The following TCAIM variants were observed in gnomAD, a reference collection of about 807,000 sequenced individuals.
TCAIM encodes the protein T-cell activation inhibitor, mitochondrial.
In TCAIM, 36 loss-of-function variants were observed where a neutral mutation model predicts 58.6. The ratio of observed to expected loss-of-function variants is 0.61; its 90% CI spans 0.47 to 0.81. TCAIM has a LOEUF of 0.81. Among genes scored for constraint, TCAIM ranks in the 30% least tolerant of loss-of-function variants. TCAIM has a pLI of 0.00. For synonymous variants in TCAIM, 172 were observed against 193.6 expected (o/e 0.89, Z 0.93); for missense variants, 466 against 579.6 (o/e 0.80, Z 2.01).
chr3:44,358,393 G>T, intron 3 of TCAIM: 1 of 635,388 alleles, frequency 1.6e-6, no homozygotes. Flanking sequence ...AGAAAATACA[G>T]TCAGTCCTTC....
intron 5 of TCAIM, among the ~76,000 whole-genome samples, chr3:44,386,398 C>T (rs868209888): frequency 2.6e-5 from 4 of 152,162 alleles, no homozygotes; most frequent in South Asian, 2.1e-4. Context: ...GAGACGTGTC[C>T]GGGGCTGCGT....
At chr3:44,349,693 G>A (rs150504809) in intron 1 of TCAIM, among the ~76,000 whole-genome samples, 5,227 of 149,544 alleles carry the variant, frequency 0.035, 126 homozygotes, top group Non-Finnish European at 0.057. Context: ...CTGTCTTCCC[G>A]AGTCTGTGAC....
chr3:44,352,963 C>T (rs1559561490), intron 1 of TCAIM, among the ~76,000 whole-genome samples: 1 of 136,472 alleles, frequency 7.3e-6, no homozygotes, highest in Non-Finnish European at 1.5e-5. Flanking sequence ...CTCGTGTTGC[C>T]CATACTGGAG....
intron 4 of TCAIM, among the ~76,000 whole-genome samples, chr3:44,361,997 A>G (rs144725277): frequency 2.0e-3 from 308 of 152,356 alleles, no homozygotes; most frequent in African/African-American, 6.3e-3. Flanking sequence ...CTTAGCAGAC[A>G]GCCACCTTTT....
intron 8 of TCAIM, 145 bp from the exon 9 acceptor site, chr3:44,400,210 G>GT (rs1358919636): frequency 1.7e-5 from 11 of 643,420 alleles, no homozygotes; most frequent in Middle Eastern, 4.4e-4. Flanking sequence ...ATTACATTAA[G>GT]TTTTTTTATC....
intron 1 of TCAIM, among the ~76,000 whole-genome samples, chr3:44,350,852 CTT>C (rs1474687183): frequency 6.6e-6 from 1 of 152,170 alleles, no homozygotes; most frequent in East Asian, 1.9e-4. Flanking sequence ...TTTTTCTAGT[CTT>C]TTTTTCTTTG....
At chr3:44,339,308 A>C (rs1399479571) in intron 1 of TCAIM, among the ~76,000 whole-genome samples, 1 of 152,208 alleles carries the variant, frequency 6.6e-6, no homozygotes, top group Non-Finnish European at 1.5e-5. Context: ...AAGGGAAGTC[A>C]CAGTTCAAAT....
At chr3:44,394,110 C>CT (rs111640278) in intron 6 of TCAIM, among the ~76,000 whole-genome samples, 9 of 151,934 alleles carry the variant, frequency 5.9e-5, no homozygotes, top group Non-Finnish European at 1.3e-4. Flanking sequence ...ATTATTAGGA[C>CT]TTTTTTTTCT....
rs184153586 is a variant in TCAIM at position 44,350,248 on chromosome 3, G to A, written c.-44-4491G>A. Among the ~76,000 whole-genome samples the A allele has an allele frequency of 5.3e-5, 8 of 152,172 alleles. No homozygotes were observed. The East Asian group carries it at 1.4e-3, about 26-fold the overall frequency. ...CGAGGGTCACAAGGTGCTCAGTGGG[G>A]GAGCTTCTGAGCCAGGAGAAGAAGT... On this transcript the variant is annotated intron_variant, in intron 1 of 10. Transcript: ENST00000342649.
intron 1 of TCAIM, among the ~76,000 whole-genome samples, chr3:44,344,006 T>G (rs913653230): frequency 6.7e-6 from 1 of 149,372 alleles, no homozygotes; most frequent in Non-Finnish European, 1.5e-5. Context: ...TTGCTTTGAT[T>G]ATTTTTGATG....
intron 5 of TCAIM, among the ~76,000 whole-genome samples, chr3:44,373,408 A>G (rs1308091501): frequency 6.6e-6 from 1 of 152,164 alleles, no homozygotes; most frequent in East Asian, 1.9e-4. Flanking sequence ...GGTCACGCCT[A>G]TAATCTCGGC....
intron 4 of TCAIM, 33 bp from the exon 5 acceptor site, chr3:44,367,423 G>A (rs370125570): frequency 8.8e-6 from 14 of 1,582,026 alleles, no homozygotes; most frequent in East Asian, 2.2e-5. Flanking sequence ...ATAATCATCT[G>A]TATTAATTGT....
chr3:44,394,942 A>G (rs1330943376), intron 6 of TCAIM, among the ~76,000 whole-genome samples: 2 of 119,292 alleles, frequency 1.7e-5, no homozygotes, highest in African/African-American at 6.9e-5. Flanking sequence ...ATATATATAT[A>G]TATATATATA....
chr3:44,383,809 CAAAAAAAAAA>C (rs71089100), intron 5 of TCAIM, among the ~76,000 whole-genome samples: 8 of 95,418 alleles, frequency 8.4e-5, no homozygotes, highest in East Asian at 3.1e-4. Flanking sequence ...CCTGTCTCTA[CAAAAAAAAAA>C]AAAAAAAAAA....
chr3:44,395,966 G>A (rs977837531), intron 6 of TCAIM, among the ~76,000 whole-genome samples: 2 of 152,224 alleles, frequency 1.3e-5, no homozygotes, highest in Non-Finnish European at 2.9e-5. Flanking sequence ...CCGCCTGGGC[G>A]ACAGAGTGAG....
chr3:44,406,493 A>AGGG (rs1553608464), intron 10 of TCAIM, among the ~76,000 whole-genome samples: 1 of 152,084 alleles, frequency 6.6e-6, no homozygotes, highest in South Asian at 2.1e-4. Context: ...ATTCTAAGTA[A>AGGG]GAATAATCTT....
intron 8 of TCAIM, among the ~76,000 whole-genome samples, chr3:44,398,510 G>A (rs985345188): frequency 3.3e-5 from 5 of 150,318 alleles, no homozygotes; most frequent in African/African-American, 1.2e-4. Flanking sequence ...AAACCATAGT[G>A]CATTATCACT....
Position 44,361,483 on chromosome 3 carries a change from G to T in TCAIM, c.284G>T (p.Ser95Ile). Residue 95 changes from serine to isoleucine, a missense_variant, in exon 4 of 11, where the codon AGT becomes ATT. Transcript: ENST00000342649. Reference sequence around the variant, plus strand: ...TTTTATGTAAGAGAAACAGACCAGAGTTCCTCCGATGGCCAGGAACCTTTT... The same window carrying T: ...TTTTATGTAAGAGAAACAGACCAGATTTCCTCCGATGGCCAGGAACCTTTT... ...LTFYVRETDQSSSDGQEPFST... is the reference protein window; with the variant it reads ...LTFYVRETDQISSDGQEPFST... 1 of 1,607,498 alleles carries T rather than the reference G, an allele frequency of 6.2e-7. No individual in the cohort carries two copies.
intron 8 of TCAIM, among the ~76,000 whole-genome samples, chr3:44,398,686 G>A (rs529493985): frequency 3.3e-5 from 5 of 152,118 alleles, no homozygotes; most frequent in African/African-American, 1.2e-4. Flanking sequence ...GTCACCCTTG[G>A]GTATTTACAG....
Sources: allele counts gnomAD v4.1 joint callset (sites outside exome capture counted in the v4.1 genomes callset), GRCh38; gene constraint gnomAD v4.1.1; transcripts MANE v1.5; gene names NCBI Gene and HGNC (gene_info 2026-07-23, HGNC 2026-07-21).